RMDN2: variants seen among roughly 807,000 people sequenced by gnomAD.
RMDN2 encodes the protein regulator of microtubule dynamics protein 2.
In RMDN2, 61 loss-of-function variants were observed where a neutral mutation model predicts 52.8. The observed-to-expected ratio is 1.16, with a 90% CI of 0.94 to 1.43. RMDN2 has a LOEUF of 1.43. RMDN2 is among the 40% of genes most tolerant of loss of function. The probability of loss-of-function intolerance (pLI) is 0.00; values close to 1 mark genes in which losing one functional copy is unlikely to be tolerated. For synonymous variants in RMDN2, 180 were observed against 153.1 expected, an observed-to-expected ratio of 1.18 and a Z score of -1.30; for missense variants, 592 against 475.3, an observed-to-expected ratio of 1.25 and a Z score of -2.28.
At chr2:37,923,046 G>A (rs923019882), upstream of RMDN2, 3 of 152,234 alleles carry the variant, frequency 2.0e-5, no homozygotes, top group African/African-American at 7.2e-5. Flanking sequence ...GCAACTCTGA[G>A]ATTCTTAGTA....
chr2:37,952,364 C>A, intron 2 of RMDN2: 1 of 629,882 alleles, frequency 1.6e-6, no homozygotes, highest in Non-Finnish European at 2.6e-6. Flanking sequence ...AATTTAATTG[C>A]TGTAGTTTTG....
intron 5 of RMDN2, among the ~76,000 whole-genome samples, chr2:37,989,017 T>C (rs992683783): frequency 2.6e-5 from 4 of 152,288 alleles, no homozygotes; most frequent in South Asian, 2.1e-4. Context: ...TACCTTTGAT[T>C]TTGTTTTAAT....
chr2:38,062,323 G>A (rs909394816), intron 10 of RMDN2, among the ~76,000 whole-genome samples: 2 of 152,166 alleles, frequency 1.3e-5, no homozygotes, highest in South Asian at 2.1e-4. Context: ...ATTGTGCAGT[G>A]TGTAACCTTT....
At chr2:37,965,797 T>C (rs956551994) in intron 2 of RMDN2, among the ~76,000 whole-genome samples, 1 of 152,224 alleles carries the variant, frequency 6.6e-6, no homozygotes, top group African/African-American at 2.4e-5. Context: ...TGTAGGGAAA[T>C]TCTAGTGATA....
At chr2:38,016,290 C>G (rs1056756412) in intron 10 of RMDN2, among the ~76,000 whole-genome samples, 6 of 152,186 alleles carry the variant, frequency 3.9e-5, no homozygotes, top group Admixed American at 6.5e-5. Flanking sequence ...GAGAGGAGCC[C>G]TTGGAATATA....
rs201972600 is a variant in RMDN2 at position 37,995,361 on chromosome 2, TACTAC to T, written c.946-2052_946-2048del. Among the ~76,000 whole-genome samples, 878 of 148,638 alleles carry T rather than the reference TACTAC, an allele frequency of 5.9e-3. 11 individuals are homozygous for T. Among genetic ancestry groups the T allele is most frequent in the African/African-American group, 0.022 (830 of 38,460 alleles). On this transcript the variant is annotated intron_variant, in intron 7 of 10. Coordinates refer to ENST00000354545, the MANE Select transcript of RMDN2 (RefSeq NM_001170791.3). Reference sequence around the variant, plus strand: ...CTACTACTACTACTACTACTACTACTACTACACACACACACTCATAAATTTTAAGG... The same window carrying T: ...CTACTACTACTACTACTACTACTACTACACACACACTCATAAATTTTAAGG...
chr2:37,942,652 A>G (rs1380832878), intron 2 of RMDN2, among the ~76,000 whole-genome samples: 1 of 152,130 alleles, frequency 6.6e-6, no homozygotes, highest in African/African-American at 2.4e-5. Flanking sequence ...TTCAATTTGT[A>G]TTTCCCTGAA....
upstream of RMDN2, among the ~76,000 whole-genome samples, chr2:37,924,118 C>CA (rs1218256497): frequency 2.0e-5 from 3 of 152,108 alleles, no homozygotes; most frequent in South Asian, 2.1e-4. Context: ...GCCTGAAGCT[C>CA]AAAAAATCAT....
chr2:37,932,570 C>A (rs1257031514), intron 2 of RMDN2, among the ~76,000 whole-genome samples: 16 of 151,794 alleles, frequency 1.1e-4, no homozygotes, highest in African/African-American at 3.6e-4. Flanking sequence ...TCTCAATGAG[C>A]TGTTGGGTAC....
chr2:37,954,654 TTTA>T (rs1669232917), intron 2 of RMDN2, among the ~76,000 whole-genome samples: 1 of 152,108 alleles, frequency 6.6e-6, no homozygotes, highest in Non-Finnish European at 1.5e-5. Context: ...CAACTTTGTT[TTTA>T]TTTTTCAAGA....
chr2:37,953,684 C>G (rs1260597098), intron 2 of RMDN2, among the ~76,000 whole-genome samples: 1 of 151,884 alleles, frequency 6.6e-6, no homozygotes, highest in Non-Finnish European at 1.5e-5. Context: ...CGAAACCTTC[C>G]TTTCAGTTCT....
chr2:37,980,798 T>C (rs2125098325), intron 4 of RMDN2, among the ~76,000 whole-genome samples: 1 of 152,182 alleles, frequency 6.6e-6, no homozygotes, highest in Non-Finnish European at 1.5e-5. Flanking sequence ...CTTGGTCTTT[T>C]TTTTTTTCTT....
intron 2 of RMDN2, chr2:37,952,923 T>TC (rs1458224717): frequency 1.3e-5 from 2 of 151,970 alleles, no homozygotes; most frequent in African/African-American, 2.4e-5. Context: ...TTCATTTTTT[T>TC]CCGATTGTAT....
chr2:38,058,229 C>T (rs1479605971), intron 10 of RMDN2, among the ~76,000 whole-genome samples: 1 of 152,204 alleles, frequency 6.6e-6, no homozygotes, highest in Non-Finnish European at 1.5e-5. Context: ...CAGTGTGAGT[C>T]AGCCCTGTGG....
chr2:38,003,546 T>TGATGGATAGATA (rs1553375274), intron 8 of RMDN2, among the ~76,000 whole-genome samples: 1 of 132,378 alleles, frequency 7.6e-6, no homozygotes, highest in Non-Finnish European at 1.6e-5. Context: ...AAGCAAGACC[T>TGATGGATAGATA]GATAGATAGA....
At chr2:38,065,126 T>C (rs1682215207) in intron 10 of RMDN2, among the ~76,000 whole-genome samples, 1 of 151,812 alleles carries the variant, frequency 6.6e-6, no homozygotes, top group Middle Eastern at 3.2e-3. Context: ...ATAGAAAAAA[T>C]GTGGTGGATA....
chr2:37,994,458 C>G (rs1296315211), intron 7 of RMDN2, among the ~76,000 whole-genome samples: 1 of 152,192 alleles, frequency 6.6e-6, no homozygotes, highest in African/African-American at 2.4e-5. Flanking sequence ...TTGTCCAACA[C>G]CAATTATAGC....
intron 2 of RMDN2, among the ~76,000 whole-genome samples, chr2:37,948,927 G>A (rs374668705): frequency 8.6e-4 from 131 of 152,292 alleles, no homozygotes; most frequent in African/African-American, 2.7e-3. Flanking sequence ...GTAGCTCAGT[G>A]AGCAGATGCT....
intron 10 of RMDN2, among the ~76,000 whole-genome samples, chr2:38,043,680 C>T: frequency 6.6e-6 from 1 of 151,762 alleles, no homozygotes; most frequent in African/African-American, 2.4e-5. Context: ...TGTGGTTGTC[C>T]TATGGTTTGC....
Sources: allele counts gnomAD v4.1 joint callset (sites outside exome capture counted in the v4.1 genomes callset), GRCh38; gene constraint gnomAD v4.1.1; transcripts MANE v1.5; gene names NCBI Gene and HGNC (gene_info 2026-07-23, HGNC 2026-07-21).